Variants in SLIT3 observed in about 807,000 individuals in gnomAD.
SLIT3 encodes the protein slit homolog 3 protein.
In SLIT3, 68 loss-of-function variants were observed where a neutral mutation model predicts 184.0. That is an observed-to-expected ratio of 0.37 (90% CI 0.30 to 0.45). The LOEUF is 0.45. Ranked by LOEUF, SLIT3 falls within the 20% of genes least tolerant of loss-of-function variation. The pLI is 1.00. For missense variants in SLIT3, 1,707 were observed against 2,026.0 expected, an observed-to-expected ratio of 0.84 and a Z score of 3.02; for synonymous variants, 831 against 828.6, an observed-to-expected ratio of 1.00 and a Z score of -0.05.
chr5:169,031,588 G>A lies in SLIT3; in HGVS notation c.414-148252C>T, dbSNP rs141964218. Among the ~76,000 whole-genome samples the A allele has an allele frequency of 1.6e-3, 242 of 152,314 alleles. 2 individuals carry two copies. Among genetic ancestry groups the A allele is most frequent in the Non-Finnish European group, 2.5e-4 (17 of 68,034 alleles). ...CACACCTGCTGCATGGAACAGCACC[G>A]TCTGGCATGATGCAGCAAGTGTTTG... is the stretch of plus-strand genomic sequence containing the variant. On this transcript the variant is annotated intron_variant, in intron 4 of 35. Transcript: ENST00000519560.
chr5:169,071,609 C>A (rs745700445), intron 4 of SLIT3, among the ~76,000 whole-genome samples: 2 of 152,172 alleles, frequency 1.3e-5, no homozygotes, highest in Non-Finnish European at 2.9e-5. Context: ...TATTTCCTCC[C>A]AGCAATGCCA....
chr5:168,772,006 G>T (rs1034451153), intron 14 of SLIT3, among the ~76,000 whole-genome samples: 1 of 152,130 alleles, frequency 6.6e-6, no homozygotes, highest in Non-Finnish European at 1.5e-5. Context: ...CAGTAGAAAA[G>T]AACACAAATG....
At chr5:168,781,213 C>T (rs991901622) in intron 12 of SLIT3, among the ~76,000 whole-genome samples, 3 of 152,176 alleles carry the variant, frequency 2.0e-5, no homozygotes, top group Non-Finnish European at 4.4e-5. Flanking sequence ...CTGGGTTTTC[C>T]TAAGGGAAAC....
intron 16 of SLIT3, among the ~76,000 whole-genome samples, chr5:168,757,593 C>T (rs1038427759): frequency 6.6e-6 from 1 of 152,090 alleles, no homozygotes; most frequent in African/African-American, 2.4e-5. Context: ...GCCATTGCGC[C>T]CGGCTAATTT....
chr5:169,139,338 T>C (rs943851636), intron 4 of SLIT3, among the ~76,000 whole-genome samples: 3 of 152,200 alleles, frequency 2.0e-5, no homozygotes, highest in Admixed American at 6.5e-5. Context: ...ATTAACAAAA[T>C]GGAATATTTA....
chr5:169,030,083 TC>T (rs1756970461), intron 4 of SLIT3, among the ~76,000 whole-genome samples: 1 of 152,170 alleles, frequency 6.6e-6, no homozygotes, highest in South Asian at 2.1e-4. Flanking sequence ...ACCTGCCCTC[TC>T]CTAGGCTGCA....
intron 4 of SLIT3, among the ~76,000 whole-genome samples, chr5:168,903,102 G>A (rs1043242296): frequency 3.3e-5 from 5 of 152,146 alleles, no homozygotes; most frequent in Non-Finnish European, 5.9e-5. Context: ...TTTTCCTTGT[G>A]CTGATTTGAA....
chr5:168,774,886 G>C (rs1419483665), intron 12 of SLIT3, among the ~76,000 whole-genome samples: 1 of 151,932 alleles, frequency 6.6e-6, no homozygotes, highest in Non-Finnish European at 1.5e-5. Context: ...GTGTAGGCAG[G>C]CACATGTGCA....
chr5:168,819,517 T>C (rs1025696957), intron 7 of SLIT3, among the ~76,000 whole-genome samples: 2 of 152,168 alleles, frequency 1.3e-5, no homozygotes, highest in African/African-American at 4.8e-5. Context: ...GGTTGCCCTC[T>C]TGTGCAGTGA....
At chr5:168,734,337 T>A (rs1372011823) in intron 20 of SLIT3, among the ~76,000 whole-genome samples, 1 of 152,198 alleles carries the variant, frequency 6.6e-6, no homozygotes, top group Admixed American at 6.5e-5. Flanking sequence ...CTTTGGTTCA[T>A]CTTTTATCAG....
chr5:168,984,452 CT>C (rs767249039), intron 4 of SLIT3, among the ~76,000 whole-genome samples: 1 of 152,186 alleles, frequency 6.6e-6, no homozygotes, highest in Non-Finnish European at 1.5e-5. Context: ...AATACCCTCT[CT>C]TTTGGCTCAC....
intron 3 of SLIT3, among the ~76,000 whole-genome samples, chr5:169,240,710 T>C (rs867781064): frequency 2.7e-4 from 41 of 151,592 alleles, no homozygotes; most frequent in African/African-American, 9.9e-4. Context: ...GGAGAATTAG[T>C]GCATTTACAT....
rs185639569 is a variant in SLIT3 at position 168,744,969 on chromosome 5, C to T, written c.2270+3333G>A. Among the ~76,000 whole-genome samples, 814 of 152,262 alleles carry T rather than the reference C, an allele frequency of 5.3e-3. 2 individuals carry two copies. The highest frequency in any genetic ancestry group is 9.0e-3 in the Non-Finnish European group (609 of 68,028). On this transcript the variant is annotated intron_variant, in intron 20 of 35. Transcript: ENST00000519560. Reference sequence around the variant, plus strand: ...GCCATAACTGCCATAGATGGTGATTCCTCTGATGGATTTGGGCAAAGTAAA... The same window carrying T: ...GCCATAACTGCCATAGATGGTGATTTCTCTGATGGATTTGGGCAAAGTAAA...
chr5:168,806,518 T>C lies in SLIT3; in HGVS notation c.863A>G (p.Asn288Ser). 10 of 1,614,162 alleles carry C rather than the reference T, an allele frequency of 6.2e-6. No individual in the cohort carries two copies. The highest frequency in any genetic ancestry group is 8.5e-6 in the Non-Finnish European group (10 of 1,179,994). Residue 288 changes from asparagine to serine, a missense_variant, in exon 9 of 36, where the codon AAT becomes AGT. Transcript: ENST00000519560. ...CTTTCCTCGACAGTCCACGATGTTA[T>C]TGCTGCACGTGCAGGGCGAAGGGCA... ...ISCPSPCTCS[N>S]NIVDCRGKGL... is the part of the protein sequence containing the mutation.
rs75751855 is a variant in SLIT3, at chr5:169,074,511, A to T, written c.413+118968T>A. ...AAGTTTTTCAATTAATAACTCATGT[A>T]TTCCTAAAACACATCCTATGAAGTA... On this transcript the variant is annotated intron_variant, in intron 4 of 35. Transcript: ENST00000519560. Among the ~76,000 whole-genome samples, 1,729 of 152,318 alleles carry T rather than the reference A, an allele frequency of 0.011. 159 individuals are homozygous for T. The East Asian group carries it at 0.24, about 21-fold the overall frequency.
At chr5:169,245,974 T>C (rs1246086655) in intron 2 of SLIT3, among the ~76,000 whole-genome samples, 2 of 152,156 alleles carry the variant, frequency 1.3e-5, no homozygotes, top group Non-Finnish European at 2.9e-5. Flanking sequence ...AAATCCTTAC[T>C]GAATGAATGA....
At chr5:168,867,870 C>T (rs1030902623) in intron 5 of SLIT3, among the ~76,000 whole-genome samples, 1 of 152,132 alleles carries the variant, frequency 6.6e-6, no homozygotes, top group Admixed American at 6.5e-5. Flanking sequence ...CAGAATCTTC[C>T]ATTCACATCC....
At chr5:169,298,480 T>C (rs1188203021) in intron 1 of SLIT3, among the ~76,000 whole-genome samples, 1 of 152,134 alleles carries the variant, frequency 6.6e-6, no homozygotes, top group Non-Finnish European at 1.5e-5. Context: ...TCTTCTTGGT[T>C]TCCCAAACAT....
At chr5:168,882,911 C>T (rs1760010378) in intron 5 of SLIT3, among the ~76,000 whole-genome samples, 1 of 152,174 alleles carries the variant, frequency 6.6e-6, no homozygotes, top group African/African-American at 2.4e-5. Flanking sequence ...TCCTTTTGAA[C>T]ACTTTCTCAG....
Sources: allele counts gnomAD v4.1 joint callset (sites outside exome capture counted in the v4.1 genomes callset), GRCh38; gene constraint gnomAD v4.1.1; transcripts MANE v1.5; gene names NCBI Gene and HGNC (gene_info 2026-07-23, HGNC 2026-07-21).